CSTF3: variants seen among roughly 807,000 people sequenced by gnomAD.
CSTF3 encodes cleavage stimulation factor subunit 3.
Under a neutral mutation model 105.8 loss-of-function variants are expected in CSTF3, and 29 were observed. The observed-to-expected ratio is 0.27, with a 90% CI of 0.20 to 0.37. CSTF3 has a LOEUF of 0.37. CSTF3 is among the 10% of genes least tolerant of loss of function. The pLI, the probability that CSTF3 is intolerant of heterozygous loss-of-function variation, is 1.00. For synonymous variants in CSTF3, 252 were observed against 281.9 expected (o/e 0.89, Z 1.06); for missense variants, 357 against 879.3 (o/e 0.41, Z 7.51).
At chr11:33,119,811 T>C (rs113939139) in intron 3 of CSTF3, among the ~76,000 whole-genome samples, 136 of 151,922 alleles carry the variant, frequency 9.0e-4, no homozygotes, top group African/African-American at 3.2e-3. Flanking sequence ...GCCTTCTCAA[T>C]CCTATATGGA....
intron 1 of CSTF3, among the ~76,000 whole-genome samples, chr11:33,160,842 A>T (rs1218464512): frequency 6.6e-6 from 1 of 152,232 alleles, no homozygotes; most frequent in Non-Finnish European, 1.5e-5. Context: ...ACTCGCTCTC[A>T]TTAAGTCTTA....
chr11:33,096,526 A>T lies in CSTF3; in HGVS notation c.1273-118T>A, dbSNP rs1322789677. On this transcript the variant is annotated intron_variant, in intron 14 of 20. Coordinates refer to ENST00000323959, the MANE Select transcript of CSTF3 (RefSeq NM_001326.3). ...ATATGTAAGAATTAAAACAAATTAA[A>T]ATCATGTTAAGTAAAAATTGCTGAG... is the stretch of plus-strand genomic sequence containing the variant. 5 of 715,064 alleles carry T rather than the reference A, an allele frequency of 7.0e-6. No individual in the cohort carries two copies. The East Asian group carries it at 1.1e-4, about 16-fold the overall frequency. 44.3% of individuals were successfully genotyped at this position (715,064 alleles called of 1,614,324 possible).
chr11:33,149,516 A>G (rs904720972), intron 1 of CSTF3, among the ~76,000 whole-genome samples: 1 of 152,234 alleles, frequency 6.6e-6, no homozygotes, highest in African/African-American at 2.4e-5. Context: ...AAAACTGAAC[A>G]GTTTTGTAGT....
chr11:33,113,732 A>T (rs1855403695), intron 3 of CSTF3, among the ~76,000 whole-genome samples: 1 of 152,112 alleles, frequency 6.6e-6, no homozygotes, highest in Non-Finnish European at 1.5e-5. Context: ...TATCAAGATC[A>T]ATTAACCTTT....
chr11:33,127,316 C>A, intron 3 of CSTF3, among the ~76,000 whole-genome samples: 1 of 152,134 alleles, frequency 6.6e-6, no homozygotes, highest in East Asian at 1.9e-4. Flanking sequence ...AGGCTTTTCA[C>A]ATAATTACTA....
Position 33,084,710 on chromosome 11 carries a change from A to G in CSTF3, c.*377T>C, listed in dbSNP as rs560699770. 3.3e-5 allele frequency: 7 copies of G among 210,534 alleles called. No homozygotes were observed. In the South Asian group the frequency reaches 5.4e-4, roughly 16 times the overall value. 13.0% of individuals were successfully genotyped at this position (210,534 alleles called of 1,614,324 possible). ...ACTCTACATAAGCAAACCAAGAACA[A>G]TTGTTTTCAGAAAATGTGATAAAAT... On this transcript the variant is annotated 3_prime_UTR_variant, in exon 21 of 21. Transcript: ENST00000323959.
rs536021714 is a variant in CSTF3 at position 33,097,675 on chromosome 11, A to G, written c.1129-697T>C. Among the ~76,000 whole-genome samples the G allele has an allele frequency of 3.3e-5, 5 of 152,238 alleles. No homozygotes were observed. In the South Asian group the frequency reaches 1.0e-3, roughly 32 times the overall value. On this transcript the variant is annotated intron_variant, in intron 13 of 20. Coordinates refer to ENST00000323959, the MANE Select transcript of CSTF3 (RefSeq NM_001326.3). Reference sequence around the variant, plus strand: ...AGCTACCGCGCCCAGCCTGCAATACATGTTTAACTTCACATTTTCTTGGTT... The same window carrying G: ...AGCTACCGCGCCCAGCCTGCAATACGTGTTTAACTTCACATTTTCTTGGTT...
At chr11:33,144,692 G>A (rs1590285015) in intron 1 of CSTF3, among the ~76,000 whole-genome samples, 1 of 152,172 alleles carries the variant, frequency 6.6e-6, no homozygotes, top group South Asian at 2.1e-4. Flanking sequence ...GCAGAATACG[G>A]TTAAATGTAT....
intron 3 of CSTF3, among the ~76,000 whole-genome samples, chr11:33,131,413 G>A (rs1400053162): frequency 6.6e-6 from 1 of 152,120 alleles, no homozygotes; most frequent in South Asian, 2.1e-4. Context: ...CAAAGAAAGA[G>A]TCAGTTATAA....
chr11:33,154,755 G>A (rs1022825808), intron 1 of CSTF3, among the ~76,000 whole-genome samples: 6 of 152,126 alleles, frequency 3.9e-5, no homozygotes, highest in South Asian at 2.1e-4. Flanking sequence ...TCAGCCTCCC[G>A]AAGTGCTGGG....
At chr11:33,106,142 G>T in intron 5 of CSTF3, 78 bp from the exon 6 acceptor site, 2 of 1,078,772 alleles carry the variant, frequency 1.9e-6, no homozygotes, top group Non-Finnish European at 2.8e-6. Context: ...AGACATGGTG[G>T]CTCATGCCTG....
intron 7 of CSTF3, 80 bp downstream of exon 7, chr11:33,105,803 T>C (rs758724429): frequency 1.9e-5 from 28 of 1,510,818 alleles, no homozygotes; most frequent in Non-Finnish European, 2.4e-5. Context: ...GAAAATAGTA[T>C]GGAGATTTCT....
chr11:33,119,836 TTTG>T (rs1265820905), intron 3 of CSTF3, among the ~76,000 whole-genome samples: 3 of 151,948 alleles, frequency 2.0e-5, no homozygotes, highest in African/African-American at 7.2e-5. Flanking sequence ...TTATTTCTAT[TTTG>T]TTGTTGAAGT....
At chr11:33,117,876 G>C (rs1173372665) in intron 3 of CSTF3, among the ~76,000 whole-genome samples, 2 of 151,834 alleles carry the variant, frequency 1.3e-5, no homozygotes, top group African/African-American at 4.8e-5. Flanking sequence ...CATTTAAGAA[G>C]TGAAATCCAA....
chr11:33,103,311 G>A (rs941691124), intron 8 of CSTF3, 127 bp from the exon 9 acceptor site: 1 of 469,142 alleles, frequency 2.1e-6, no homozygotes, highest in Middle Eastern at 5.7e-4. Flanking sequence ...TTTAATAAAG[G>A]TTCATACAGC....
intron 13 of CSTF3, 33 bp downstream of exon 13, chr11:33,098,657 A>G (rs1487326531): frequency 1.5e-6 from 2 of 1,326,336 alleles, no homozygotes; most frequent in African/African-American, 3.0e-5. Flanking sequence ...TAAGACTGTA[A>G]AGGTGGAAAA....
chr11:33,160,700 CT>C (rs1175738268), intron 1 of CSTF3, among the ~76,000 whole-genome samples: 1 of 152,150 alleles, frequency 6.6e-6, no homozygotes, highest in East Asian at 1.9e-4. Context: ...CCAAAACAGA[CT>C]TCTCATTTTC....
intron 3 of CSTF3, among the ~76,000 whole-genome samples, chr11:33,126,548 G>A (rs934783664): frequency 3.9e-5 from 6 of 152,048 alleles, no homozygotes; most frequent in Non-Finnish European, 8.8e-5. Context: ...ATATTTAGGG[G>A]TATTAGACAA....
chr11:33,102,059 T>C, intron 10 of CSTF3, 118 bp downstream of exon 10: 1 of 689,604 alleles, frequency 1.5e-6, no homozygotes. Context: ...TAGGAATTAT[T>C]GAATCTGAAG....
Sources: allele counts gnomAD v4.1 joint callset (sites outside exome capture counted in the v4.1 genomes callset), GRCh38; gene constraint gnomAD v4.1.1; transcripts MANE v1.5; gene names NCBI Gene and HGNC (gene_info 2026-07-23, HGNC 2026-07-21).